GDAP1: variants seen among roughly 807,000 people sequenced by gnomAD.
GDAP1 encodes ganglioside-induced differentiation-associated protein 1.
GDAP1 carries 34 observed loss-of-function variants against 40.1 expected under a neutral mutation model. That is an observed-to-expected ratio of 0.85 (90% CI 0.64 to 1.13). The LOEUF (loss-of-function observed/expected upper bound fraction) is 1.13, where lower values mean the gene tolerates loss of function less well. Ranked by LOEUF, GDAP1 falls within the 50% of genes most tolerant of loss-of-function variation. The pLI, the probability that GDAP1 is intolerant of heterozygous loss-of-function variation, is 0.00. For synonymous variants in GDAP1, 170 were observed against 157.4 expected (o/e 1.08, Z -0.60); for missense variants, 374 against 433.7 (o/e 0.86, Z 1.22).
chr8:74,421,539 G>A (rs1217580981), intron 2 of GDAP1, among the ~76,000 whole-genome samples: 1 of 152,148 alleles, frequency 6.6e-6, no homozygotes, highest in Non-Finnish European at 1.5e-5. Context: ...GAAGAGCTAA[G>A]ATTCTTGCCT....
At chr8:74,391,778 C>A (rs1460061326) in intron 2 of GDAP1, among the ~76,000 whole-genome samples, 2 of 152,030 alleles carry the variant, frequency 1.3e-5, no homozygotes, top group African/African-American at 4.8e-5. Context: ...AAAGGTACAT[C>A]TGTTACATTC....
chr8:74,364,179 A>C lies in GDAP1; in HGVS notation c.889A>C (p.Asn297His). The C allele has an allele frequency of 1.2e-6, 2 of 1,614,202 alleles. No homozygotes were observed. Among genetic ancestry groups the C allele is most frequent in the Non-Finnish European group, 1.7e-6 (2 of 1,179,996 alleles). ...KTFNKVLGHV[N>H]NILISAVLPT... is the part of the protein sequence containing the mutation. The stretch of plus-strand genomic sequence containing the variant: ...ATTTAACAAGGTTTTAGGACATGTC[A>C]ACAATATATTAATCTCTGCAGTGCT... The change falls in exon 6 of 6, where the codon AAC (asparagine) becomes CAC (histidine). Residue 297 changes from asparagine to histidine, a missense_variant. Asn to His is a moderately conservative substitution (Grantham distance 68). Transcript: ENST00000220822.
At chr8:74,357,444 G>A (rs373703660) in intron 2 of GDAP1, among the ~76,000 whole-genome samples, 4 of 152,186 alleles carry the variant, frequency 2.6e-5, no homozygotes, top group South Asian at 2.1e-4. Flanking sequence ...ACTTGAGAAT[G>A]TAGAGGCCCA....
At chr8:74,370,344 G>T (rs979575597), downstream of GDAP1, among the ~76,000 whole-genome samples, 3 of 152,198 alleles carry the variant, frequency 2.0e-5, no homozygotes, top group Non-Finnish European at 4.4e-5. Context: ...TTACACTATT[G>T]TAAAGCTATT....
intron 2 of GDAP1, 84 bp from the exon 3 acceptor site, chr8:74,360,053 G>C: frequency 2.2e-6 from 2 of 898,852 alleles, no homozygotes; most frequent in Non-Finnish European, 3.7e-6. Context: ...TGTTAATGAT[G>C]AGTGGATAGT....
chr8:74,406,446 A>C (rs1805641966), intron 2 of GDAP1, among the ~76,000 whole-genome samples: 1 of 150,260 alleles, frequency 6.7e-6, no homozygotes, highest in Non-Finnish European at 1.5e-5. Context: ...CATTAACATA[A>C]TACTCTGTGA....
chr8:74,405,452 T>G (rs1805626588), intron 2 of GDAP1, among the ~76,000 whole-genome samples: 1 of 150,134 alleles, frequency 6.7e-6, no homozygotes, highest in South Asian at 2.1e-4. Flanking sequence ...CCAAACATTT[T>G]TTATCTGAAG....
rs1266592007 is a variant in GDAP1 at position 74,422,328 on chromosome 8, TCTTTCTTTCTTTCTTTCTTTCTTC to T, written c.166-66348_166-66325del. Among the ~76,000 whole-genome samples, 50 of 68,440 alleles carry T rather than the reference TCTTTCTTTCTTTCTTTCTTTCTTC, an allele frequency of 7.3e-4. 1 individual carries two copies. The highest frequency in any genetic ancestry group is 3.4e-3 in the African/African-American group (44 of 13,104). 44.9% of individuals were successfully genotyped at this position (68,440 alleles called of 152,430 possible). On this transcript the variant is annotated intron_variant, in intron 2 of 2. Transcript: ENST00000523640. The stretch of plus-strand genomic sequence containing the variant: ...TTCTTTCTTTCTTTCTTTCTTTCTT[TCTTTCTTTCTTTCTTTCTTTCTTC>T]CCTTCCTTCCTTCCTTCCTTCCTTC...
chr8:74,380,443 A>T (rs1282652269), intron 2 of GDAP1, among the ~76,000 whole-genome samples: 1 of 152,124 alleles, frequency 6.6e-6, no homozygotes, highest in African/African-American at 2.4e-5. Context: ...AAATTTGCCT[A>T]GAATTATTTT....
Position 74,361,947 on chromosome 8 carries a change from A to C in GDAP1, c.548A>C (p.Glu183Ala). 6.2e-7 allele frequency: 1 copy of C among 1,606,188 alleles called. No homozygotes were observed. Among genetic ancestry groups the C allele is most frequent in the Non-Finnish European group, 8.5e-7 (1 of 1,173,338 alleles). ...KLAEENPDLQ[E>A]AYIAKQKRLK... ...GCTGAAGAAAACCCAGATTTACAAG[A>C]AGCATACATTGCAAAACAGAAACGA... The change falls in exon 4 of 6, where the codon GAA becomes GCA. Residue 183 changes from glutamate to alanine, a missense_variant. Transcript: ENST00000220822.
At chr8:74,424,294 C>A (rs1805920627) in intron 2 of GDAP1, among the ~76,000 whole-genome samples, 1 of 152,090 alleles carries the variant, frequency 6.6e-6, no homozygotes, top group African/African-American at 2.4e-5. Context: ...CAAATATTGT[C>A]AATCCACGCT....
chr8:74,433,101 C>T (rs1806047698), intron 2 of GDAP1, among the ~76,000 whole-genome samples: 1 of 152,178 alleles, frequency 6.6e-6, no homozygotes, highest in South Asian at 2.1e-4. Context: ...CCAGATCCTT[C>T]CGTGGTTGGT....
chr8:74,429,851 A>G (rs548897039), intron 2 of GDAP1, among the ~76,000 whole-genome samples: 1 of 152,248 alleles, frequency 6.6e-6, no homozygotes, highest in East Asian at 1.9e-4. Context: ...AATATTTTTA[A>G]TTATATTTAG....
Position 74,364,163 on chromosome 8 carries a change from G to A in GDAP1, c.873G>A (p.Lys291=). The A allele has an allele frequency of 3.1e-6, 5 of 1,613,998 alleles. No individual in the cohort carries two copies. Among genetic ancestry groups the A allele is most frequent in the Non-Finnish European group, 3.4e-6 (4 of 1,179,878 alleles). Residue 291 remains lysine, a synonymous_variant, in exon 6 of 6, where the codon AAG becomes AAA. Coordinates refer to ENST00000220822, the MANE Select transcript of GDAP1 (RefSeq NM_018972.4). The stretch of plus-strand genomic sequence containing the variant: ...TCTTGAAGAGAAAAACATTTAACAA[G>A]GTTTTAGGACATGTCAACAATATAT... ...ERVLKRKTFN[K]VLGHVNNILI...
intron 2 of GDAP1, among the ~76,000 whole-genome samples, chr8:74,372,589 A>G (rs1809773591): frequency 1.3e-5 from 2 of 152,172 alleles, no homozygotes; most frequent in Admixed American, 1.3e-4. Flanking sequence ...GTCTGTTCAT[A>G]TCCTTCGCCC....
In GDAP1 at chr8:74,453,248, AAC is replaced by A. The variant is rs1441456199; in HGVS notation, c.166-35426_166-35425del. 2.4e-5 allele frequency among the ~76,000 whole-genome samples: 2 copies of A among 84,658 alleles called. 1 individual carries two copies. The highest frequency in any genetic ancestry group is 4.8e-5 in the Non-Finnish European group (2 of 41,420). The allele number at this position is 84,658 out of a possible 152,430, so 55.5% of individuals were successfully genotyped here. A position where few individuals can be genotyped will look rare whatever the true frequency, so the allele number is the denominator to read the frequency against. ...TTAATTGTTTACACATGTAAATGGA[AAC>A]ACAGTTCTATTGGATATTTTATTGG... On this transcript the variant is annotated intron_variant, in intron 2 of 2. Coordinates refer to the GDAP1 transcript ENST00000523640.
At chr8:74,405,051 GATAATTTATAAA>G (rs1408156826) in intron 2 of GDAP1, among the ~76,000 whole-genome samples, 1 of 149,964 alleles carries the variant, frequency 6.7e-6, no homozygotes, top group Non-Finnish European at 1.5e-5. Context: ...CCTAAGACTG[GATAATTTATAAA>G]GAAAAAGAGG....
intron 2 of GDAP1, among the ~76,000 whole-genome samples, chr8:74,389,641 T>G (rs567507319): frequency 6.6e-6 from 1 of 152,192 alleles, no homozygotes; most frequent in African/African-American, 2.4e-5. Flanking sequence ...GTGAATCTGA[T>G]GATTATGTGT....
intron 2 of GDAP1, among the ~76,000 whole-genome samples, chr8:74,395,654 T>C (rs1435874708): frequency 6.6e-6 from 1 of 152,222 alleles, no homozygotes; most frequent in East Asian, 1.9e-4. Flanking sequence ...TGTGGGCGTG[T>C]CTGCAATGCT....
Sources: allele counts gnomAD v4.1 joint callset (sites outside exome capture counted in the v4.1 genomes callset), GRCh38; gene constraint gnomAD v4.1.1; transcripts MANE v1.5; gene names NCBI Gene and HGNC (gene_info 2026-07-23, HGNC 2026-07-21).